TRA2B: variants seen among roughly 807,000 people sequenced by gnomAD.
TRA2B encodes the protein transformer 2 beta homolog, also known as transformer-2 protein homolog beta.
A neutral mutation model predicts 41.7 loss-of-function variants in TRA2B; 14 were observed. That is an observed-to-expected ratio of 0.34 (90% CI 0.22 to 0.53). The LOEUF (loss-of-function observed/expected upper bound fraction) is 0.53, where lower values mean the gene tolerates loss of function less well. TRA2B is among the 20% of genes least tolerant of loss of function. The pLI is 0.95. For synonymous variants in TRA2B, 130 were observed against 128.8 expected (o/e 1.01, Z -0.06); for missense variants, 167 against 396.8 (o/e 0.42, Z 4.92).
chr3:185,935,801 G>C (rs1262300358), intron 1 of TRA2B: 3 of 985,118 alleles, frequency 3.0e-6, no homozygotes, highest in Non-Finnish European at 3.6e-6. Flanking sequence ...GTTCCAATTG[G>C]AACACAAACA....
At chr3:185,919,653 T>C (rs906553805) in intron 6 of TRA2B, among the ~76,000 whole-genome samples, 157 bp from the exon 7 acceptor site, 11 of 152,172 alleles carry the variant, frequency 7.2e-5, no homozygotes, top group Admixed American at 2.0e-4. Flanking sequence ...TGGCATAGGG[T>C]TCTCTCTGGT....
intron 1 of TRA2B, chr3:185,935,585 T>A (rs1744318748): frequency 1.0e-6 from 1 of 985,314 alleles, no homozygotes; most frequent in African/African-American, 1.7e-5. Flanking sequence ...AGAATTCCAC[T>A]GATTTGAAGA....
chr3:185,937,390 C>A lies in TRA2B; in HGVS notation c.36+435G>T, dbSNP rs1744405609. On this transcript the variant is annotated intron_variant, in intron 1 of 8. Transcript: ENST00000453386. Reference sequence around the variant, plus strand: ...CGGCCTTACGAAGCGCGGCCCGCTGCGGGTCGGGTCCGCGTTGCCGCGCGG... The same window carrying A: ...CGGCCTTACGAAGCGCGGCCCGCTGAGGGTCGGGTCCGCGTTGCCGCGCGG... 1.1e-5 allele frequency: 11 copies of A among 1,001,808 alleles called. No homozygotes were observed. The South Asian group carries it at 3.4e-4, about 31-fold the overall frequency. 62.1% of individuals were successfully genotyped at this position (1,001,808 alleles called of 1,614,324 possible). A position where few individuals can be genotyped will look rare whatever the true frequency, so the allele number is the denominator to read the frequency against.
intron 4 of TRA2B, 88 bp downstream of exon 4, chr3:185,923,708 T>C (rs1415173203): frequency 7.7e-7 from 1 of 1,300,816 alleles, no homozygotes; most frequent in East Asian, 2.4e-5. Context: ...TACTGACTTG[T>C]CCTTGTCCTT....
At chr3:185,926,766 C>T (rs1199312732) in intron 1 of TRA2B, 32 bp from the exon 2 acceptor site, 3 of 1,611,192 alleles carry the variant, frequency 1.9e-6, no homozygotes, top group Non-Finnish European at 2.5e-6. Context: ...TTAATTTGCA[C>T]ACTTTCTGGG....
chr3:185,918,480 C>T, intron 7 of TRA2B, 42 bp from the exon 8 acceptor site: 1 of 1,366,408 alleles, frequency 7.3e-7, no homozygotes, highest in Non-Finnish European at 1.0e-6. Flanking sequence ...CAATAGATCA[C>T]AATTAGACCA....
chr3:185,935,451 G>C (rs546367006), intron 1 of TRA2B: 2 of 985,120 alleles, frequency 2.0e-6, no homozygotes, highest in African/African-American at 3.5e-5. Context: ...ATCAAACTGA[G>C]AATAATTTAT....
At chr3:185,930,305 TTGAG>T (rs1438954783) in intron 1 of TRA2B, among the ~76,000 whole-genome samples, 4 of 152,282 alleles carry the variant, frequency 2.6e-5, no homozygotes, top group Middle Eastern at 3.4e-3. Flanking sequence ...TGCCTGCTCT[TTGAG>T]TAATTTGGAA....
At chr3:185,926,224 TA>T (rs1403550558) in intron 2 of TRA2B, among the ~76,000 whole-genome samples, 1 of 152,014 alleles carries the variant, frequency 6.6e-6, no homozygotes, top group African/African-American at 2.4e-5. Context: ...TATATATACT[TA>T]TTTATCAAGA....
chr3:185,926,760 T>C, intron 1 of TRA2B, 26 bp from the exon 2 acceptor site: 3 of 1,612,244 alleles, frequency 1.9e-6, no homozygotes, highest in Non-Finnish European at 1.7e-6. Context: ...AAAAGTTTAA[T>C]TTGCACACTT....
intron 5 of TRA2B, 62 bp from the exon 6 acceptor site, chr3:185,921,249 T>C: frequency 7.2e-7 from 1 of 1,397,390 alleles, no homozygotes; most frequent in African/African-American, 1.4e-5. Context: ...TTTTTATATC[T>C]ACTAGTAGGC....
At chr3:185,925,861 T>G (rs1409291141) in intron 2 of TRA2B, among the ~76,000 whole-genome samples, 1 of 152,212 alleles carries the variant, frequency 6.6e-6, no homozygotes, top group Non-Finnish European at 1.5e-5. Context: ...TAAAGACATA[T>G]TACTTATCTT....
chr3:185,936,069 T>A (rs1345376685), intron 1 of TRA2B: 1 of 985,316 alleles, frequency 1.0e-6, no homozygotes, highest in East Asian at 1.1e-4. Flanking sequence ...CCTTCTCACG[T>A]AAAATATACT....
intron 5 of TRA2B, 138 bp from the exon 6 acceptor site, chr3:185,921,325 A>G: frequency 2.8e-6 from 2 of 713,508 alleles, no homozygotes; most frequent in Non-Finnish European, 4.8e-6. Context: ...ATATTGAGCA[A>G]ACATTGCCCT....
chr3:185,930,429 A>G lies in TRA2B; in HGVS notation c.37-3695T>C, dbSNP rs746953077. Among the ~76,000 whole-genome samples the G allele has an allele frequency of 3.2e-4, 48 of 152,130 alleles. 3 individuals carry two copies. The highest frequency in any genetic ancestry group is 7.4e-5 in the Non-Finnish European group (5 of 68,022). On this transcript the variant is annotated intron_variant, in intron 1 of 8. Coordinates refer to ENST00000453386, the MANE Select transcript of TRA2B (RefSeq NM_004593.3). ...TTCTGCTTGCAAGATATAGAAATAA[A>G]CAGGCCTGAAAGCATCAGAAAATGG...
At chr3:185,918,596 T>A (rs1445218997) in intron 7 of TRA2B, among the ~76,000 whole-genome samples, 158 bp from the exon 8 acceptor site, 1 of 152,214 alleles carries the variant, frequency 6.6e-6, no homozygotes, top group Non-Finnish European at 1.5e-5. Context: ...ATGAAGCACA[T>A]TATCAGGCCC....
chr3:185,928,580 G>A (rs1055538541), intron 1 of TRA2B: 1 of 152,158 alleles, frequency 6.6e-6, no homozygotes, highest in African/African-American at 2.4e-5. Flanking sequence ...TCAAAAATGA[G>A]GGTGTAGTTT....
At chr3:185,933,723 T>C (rs993629442) in intron 1 of TRA2B, among the ~76,000 whole-genome samples, 4 of 152,118 alleles carry the variant, frequency 2.6e-5, no homozygotes, top group Non-Finnish European at 4.4e-5. Context: ...AACTGGAGAA[T>C]AGTGTCTGGA....
At chr3:185,935,757 C>T (rs190017142) in intron 1 of TRA2B, 3 of 985,416 alleles carry the variant, frequency 3.0e-6, no homozygotes, top group Admixed American at 1.2e-4. Context: ...AGCCTAGACA[C>T]GTGTTTGATT....
Sources: gnomAD v4.1 joint callset for allele counts (sites outside exome capture counted in the v4.1 genomes callset) on GRCh38, gnomAD v4.1.1 for gene constraint, MANE v1.5 for transcripts, NCBI Gene and HGNC (gene_info 2026-07-23, HGNC 2026-07-21) for gene names.